Variants in CNTN1 observed in about 807,000 individuals in gnomAD.
CNTN1 encodes the protein contactin 1, also known as contactin-1.
In CNTN1, 38 loss-of-function variants were observed where a neutral mutation model predicts 126.4. The ratio of observed to expected loss-of-function variants is 0.30; its 90% CI spans 0.23 to 0.39. The LOEUF is 0.39. Among genes scored for constraint, CNTN1 ranks in the 10% least tolerant of loss-of-function variants. The pLI is 1.00. For missense variants in CNTN1, 1,009 were observed against 1,248.4 expected (o/e 0.81, Z 2.89); for synonymous variants, 413 against 422.6 (o/e 0.98, Z 0.28).
At chr12:40,968,979 A>G (rs1027943132) in intron 15 of CNTN1, among the ~76,000 whole-genome samples, 3 of 152,172 alleles carry the variant, frequency 2.0e-5, no homozygotes, top group Non-Finnish European at 4.4e-5. Flanking sequence ...TAAGTTAGAG[A>G]GTAGAGTAAC....
intron 18 of CNTN1, among the ~76,000 whole-genome samples, chr12:41,015,895 G>A (rs963732689): frequency 1.6e-4 from 25 of 152,146 alleles, no homozygotes; most frequent in Non-Finnish European, 3.5e-4. Flanking sequence ...GAAACCTTGA[G>A]AAAATGATGA....
intron 1 of CNTN1, among the ~76,000 whole-genome samples, chr12:40,707,044 GCGCACACACACA>G (rs1941766758): frequency 5.9e-5 from 3 of 50,526 alleles, no homozygotes; most frequent in South Asian, 8.9e-4. Flanking sequence ...GCGCGCGCTT[GCGCACACACACA>G]CACACACACA....
intron 23 of CNTN1, among the ~76,000 whole-genome samples, chr12:41,039,837 G>T (rs991894152): frequency 2.0e-5 from 3 of 151,704 alleles, no homozygotes; most frequent in African/African-American, 7.3e-5. Flanking sequence ...TCTAGTTAAA[G>T]AATAATTAAA....
Position 40,907,620 on chromosome 12 carries a change from G to A in CNTN1, c.-76-737G>A, listed in dbSNP as rs141567232. 1.8e-4 allele frequency among the ~76,000 whole-genome samples: 28 copies of A among 152,220 alleles called. 1 individual carries two copies. The highest frequency in any genetic ancestry group is 4.3e-4 in the African/African-American group (18 of 41,530). On this transcript the variant is annotated intron_variant, in intron 1 of 23. Transcript: ENST00000551295. ...GACTGCTACATGGTTTTGTATTTTC[G>A]TTTATATTAGTAATTTTATTTTCTT...
intron 23 of CNTN1, among the ~76,000 whole-genome samples, chr12:41,032,515 TTTCTC>T (rs1949169545): frequency 6.6e-6 from 1 of 152,224 alleles, no homozygotes. Flanking sequence ...TCTGTTGACA[TTTCTC>T]TTCTTGAACA....
In CNTN1 at chr12:40,999,945, A is replaced by G. The variant is rs535178695; in HGVS notation, c.2113+6676A>G. On this transcript the variant is annotated intron_variant, in intron 17 of 23. Transcript: ENST00000551295. ...GTGGTCTTGATCTCCTGACCTCGTGATCCGCCCGCCTCAGCCTCCCAAAGT... is the reference window on the plus strand; with the variant it reads ...GTGGTCTTGATCTCCTGACCTCGTGGTCCGCCCGCCTCAGCCTCCCAAAGT... Among the ~76,000 whole-genome samples the G allele has an allele frequency of 2.0e-5, 3 of 151,932 alleles. No individual in the cohort carries two copies. In the East Asian group the frequency reaches 5.8e-4, roughly 29 times the overall value.
At chr12:40,872,307 TA>T (rs1943531046) in intron 1 of CNTN1, among the ~76,000 whole-genome samples, 1 of 150,182 alleles carries the variant, frequency 6.7e-6, no homozygotes, top group Admixed American at 6.7e-5. Context: ...TTTACAAAAT[TA>T]AAAACTTTTA....
chr12:40,744,581 T>C (rs1235539133), intron 1 of CNTN1, among the ~76,000 whole-genome samples: 1 of 152,162 alleles, frequency 6.6e-6, no homozygotes, highest in Non-Finnish European at 1.5e-5. Flanking sequence ...AAGAAACTGC[T>C]GTATCTTTCA....
intron 17 of CNTN1, among the ~76,000 whole-genome samples, chr12:41,008,393 A>G (rs1055343315): frequency 2.0e-5 from 3 of 149,074 alleles, no homozygotes; most frequent in Non-Finnish European, 4.4e-5. Context: ...AGAAGTGTTG[A>G]TATAAAAGCA....
chr12:40,945,543 T>C (rs1174774795), intron 14 of CNTN1, among the ~76,000 whole-genome samples: 1 of 151,968 alleles, frequency 6.6e-6, no homozygotes, highest in African/African-American at 2.4e-5. Context: ...TGCAATGAAG[T>C]CTATGTAAAT....
chr12:40,707,227 C>CTTTTCTTTTTTTTTTTTTT (rs1941782316), intron 1 of CNTN1, among the ~76,000 whole-genome samples: 1 of 109,166 alleles, frequency 9.2e-6, no homozygotes, highest in African/African-American at 3.8e-5. Flanking sequence ...TTTTCTTTTT[C>CTTTTCTTTTTTTTTTTTTT]TTTTTTTTTT....
chr12:41,007,730 C>T (rs58636877), intron 17 of CNTN1, among the ~76,000 whole-genome samples: 4,187 of 152,274 alleles, frequency 0.027, 175 homozygotes, highest in African/African-American at 0.095. Flanking sequence ...TGTTAGCATG[C>T]AAATGGGCTT....
chr12:41,024,743 G>T (rs1949002893), intron 20 of CNTN1, among the ~76,000 whole-genome samples: 1 of 152,200 alleles, frequency 6.6e-6, no homozygotes, highest in Middle Eastern at 3.4e-3. Flanking sequence ...TTTAAGAATG[G>T]CTCAGAAGAA....
chr12:41,045,349 G>C (rs1354629784), intron 23 of CNTN1, among the ~76,000 whole-genome samples: 1 of 151,998 alleles, frequency 6.6e-6, no homozygotes, highest in East Asian at 1.9e-4. Flanking sequence ...AACCCTCTTA[G>C]GAAAATATAA....
intron 1 of CNTN1, among the ~76,000 whole-genome samples, chr12:40,800,687 T>C (rs924167715): frequency 6.6e-6 from 1 of 152,014 alleles, no homozygotes; most frequent in Non-Finnish European, 1.5e-5. Context: ...GTTTTCAATA[T>C]ATCTGGCAGT....
At position 41,070,785 on chromosome 12, in the gene CNTN1, CT is replaced by C. The variant is rs1342980116; in HGVS notation, c.*754del. On this transcript the variant is annotated 3_prime_UTR_variant, in exon 24 of 24. Coordinates refer to ENST00000551295, the MANE Select transcript of CNTN1 (RefSeq NM_001843.4). ...TATTCTACTCTGAAGTTATTTTATG[CT>C]TTTCTTATCAATTTCAAATCTCAAA... 6.6e-6 allele frequency: 1 copy of C among 151,746 alleles called. No individual in the cohort carries two copies. Among genetic ancestry groups the C allele is most frequent in the African/African-American group, 2.4e-5 (1 of 41,350 alleles). The allele number at this position is 151,746 out of a possible 1,614,324, so 9.4% of individuals were successfully genotyped here.
intron 1 of CNTN1, among the ~76,000 whole-genome samples, chr12:40,816,730 A>G (rs4420356): frequency 0.62 from 94,003 of 151,728 alleles, 29,452 homozygotes; most frequent in East Asian, 0.78. Context: ...TTTTAATTGT[A>G]ATATTAGAGA....
intron 1 of CNTN1, among the ~76,000 whole-genome samples, chr12:40,728,085 T>A (rs763116616): frequency 6.6e-6 from 1 of 152,140 alleles, no homozygotes; most frequent in Non-Finnish European, 1.5e-5. Flanking sequence ...TCATACTGAT[T>A]AGTAAAAAAG....
At chr12:40,875,598 A>G (rs772070123) in intron 1 of CNTN1, among the ~76,000 whole-genome samples, 20 of 152,120 alleles carry the variant, frequency 1.3e-4, no homozygotes, top group Non-Finnish European at 2.2e-4. Context: ...ATCCCATTAT[A>G]TAGGATTTCA....
Sources: allele counts gnomAD v4.1 joint callset (sites outside exome capture counted in the v4.1 genomes callset), GRCh38; gene constraint gnomAD v4.1.1; transcripts MANE v1.5; gene names NCBI Gene and HGNC (gene_info 2026-07-23, HGNC 2026-07-21).